Variants in WDR62 observed in about 807,000 individuals in gnomAD.
The protein encoded by WDR62 is WD repeat-containing protein 62.
In WDR62, 112 loss-of-function variants were observed where a neutral mutation model predicts 160.6. The ratio of observed to expected loss-of-function variants is 0.70; its 90% CI spans 0.60 to 0.82. The LOEUF is 0.82. Among genes scored for constraint, WDR62 ranks in the 40% least tolerant of loss-of-function variants. The pLI, the probability that WDR62 is intolerant of heterozygous loss-of-function variation, is 0.00. For synonymous variants in WDR62, 792 were observed against 815.1 expected (o/e 0.97, Z 0.48); for missense variants, 1,819 against 1,983.8 (o/e 0.92, Z 1.58).
At chr19:36,081,379 A>T in intron 9 of WDR62, 54 bp from the exon 10 acceptor site, 1 of 1,344,380 alleles carries the variant, frequency 7.4e-7, no homozygotes, top group Non-Finnish European at 1.0e-6. Context: ...ATGCAACAGT[A>T]AGTCATAGTG....
Position 36,104,096 on chromosome 19 carries a change from C to T in WDR62, c.4153+115C>T, listed in dbSNP as rs572626021. 5.5e-5 allele frequency: 73 copies of T among 1,324,572 alleles called. 1 individual carries two copies. The highest frequency in any genetic ancestry group is 5.2e-4 in the Admixed American group (28 of 53,858). The allele number at this position is 1,324,572 out of a possible 1,614,324, so 82.1% of individuals were successfully genotyped here. ...ACAGGGACTGTGCCATTCATTCATT[C>T]GTGCATTAACTTAAATATTTAATGA... On this transcript the variant is annotated intron_variant, in intron 30 of 31. Coordinates refer to ENST00000401500, the MANE Select transcript of WDR62 (RefSeq NM_001083961.2).
At chr19:36,057,521 CT>C (rs34412614) in intron 1 of WDR62, among the ~76,000 whole-genome samples, 30 of 146,902 alleles carry the variant, frequency 2.0e-4, no homozygotes, top group South Asian at 6.4e-4. Flanking sequence ...TGTTTTGTTC[CT>C]TTTTTTTTTT....
intron 22 of WDR62, 97 bp downstream of exon 22, chr19:36,099,714 A>G (rs1001152484): frequency 2.4e-6 from 3 of 1,230,726 alleles, no homozygotes; most frequent in African/African-American, 1.5e-5. Context: ...GGGGGCAGGG[A>G]GGATTACATG....
At chr19:36,063,401 A>T (rs1015611477) in intron 3 of WDR62, among the ~76,000 whole-genome samples, 1 of 151,034 alleles carries the variant, frequency 6.6e-6, no homozygotes, top group African/African-American at 2.4e-5. Flanking sequence ...GGCATGCGCC[A>T]CCGTGCCTGG....
At chr19:36,105,718 A>G (rs1973696720), downstream of WDR62, among the ~76,000 whole-genome samples, 1 of 151,624 alleles carries the variant, frequency 6.6e-6, no homozygotes, top group Non-Finnish European at 1.5e-5. Context: ...TTTGTTTTTG[A>G]GATGGAATCT....
At chr19:36,063,708 G>T (rs1970787888) in intron 3 of WDR62, among the ~76,000 whole-genome samples, 1 of 152,240 alleles carries the variant, frequency 6.6e-6, no homozygotes, top group African/African-American at 2.4e-5. Flanking sequence ...CTCTCAGGAG[G>T]TCTCCTATGA....
Position 36,067,888 on chromosome 19 carries a change from ATCT to A in WDR62, c.764_766del (p.Phe255del), listed in dbSNP as rs1064797236. ...CATCCTGGGCGAGCTGCACAACAAC[ATCT>A]TCTGTGGTGTGGCCTGCGGTCGGGG... On this transcript the variant is annotated inframe_deletion, in exon 7 of 32. Transcript: ENST00000401500. 3.1e-6 allele frequency: 5 copies of A among 1,613,994 alleles called. No homozygotes were observed. Among genetic ancestry groups the A allele is most frequent in the East Asian group, 2.2e-5 (1 of 44,886 alleles).
Position 36,103,415 on chromosome 19 carries a change from C to T in WDR62, c.3587C>T (p.Thr1196Met), listed in dbSNP as rs746924402. The change falls in exon 30 of 32, where the codon ACG becomes ATG. Residue 1196 changes from threonine (T) to methionine (M), a missense_variant. Physicochemically the swap from Thr to Met is moderately conservative, Grantham distance 81. Around this residue, in one of 3 missense-constraint regions of WDR62, gnomAD observed 770 missense variants for 734.2 expected, o/e 1.05. Transcript: ENST00000401500. Reference sequence around the variant, plus strand: ...CTGCCCACAGACAGGAATCTCCCAACGCCCACATCTGCACCCACCCCAGGC... The same window carrying T: ...CTGCCCACAGACAGGAATCTCCCAATGCCCACATCTGCACCCACCCCAGGC... ...SVLPTDRNLP[T>M]PTSAPTPGLA... The T allele has an allele frequency of 2.4e-5, 38 of 1,614,026 alleles. No individual in the cohort carries two copies. The Middle Eastern group carries it at 6.6e-4, about 28-fold the overall frequency.
At chr19:36,057,705 CAG>C (rs148420752) in intron 1 of WDR62, among the ~76,000 whole-genome samples, 5,069 of 152,244 alleles carry the variant, frequency 0.033, 128 homozygotes, top group East Asian at 0.11. Flanking sequence ...TTAGTAGAGA[CAG>C]GGTTTCGCCA....
At chr19:36,091,554 C>T (rs1972609504) in intron 18 of WDR62, 89 bp downstream of exon 18, 2 of 1,324,152 alleles carry the variant, frequency 1.5e-6, no homozygotes, top group Admixed American at 3.4e-5. Context: ...TCTAAACTGC[C>T]CAGTTTGGAT....
intron 7 of WDR62, among the ~76,000 whole-genome samples, chr19:36,069,327 C>T (rs1375776934): frequency 6.6e-6 from 1 of 151,768 alleles, no homozygotes; most frequent in African/African-American, 2.4e-5. Context: ...GACGGCCAGG[C>T]AGAGACGCTC....
chr19:36,088,638 G>C (rs1042263051), intron 13 of WDR62, among the ~76,000 whole-genome samples: 5 of 152,234 alleles, frequency 3.3e-5, no homozygotes, highest in Admixed American at 2.0e-4. Context: ...CATGGGGCCT[G>C]GCCCAAGGCT....
At chr19:36,062,294 C>G (rs1431833124) in intron 3 of WDR62, 5 of 152,064 alleles carry the variant, frequency 3.3e-5, no homozygotes, top group Non-Finnish European at 7.4e-5. Flanking sequence ...TGTCTATATA[C>G]ATATTAATTT....
intron 3 of WDR62, among the ~76,000 whole-genome samples, chr19:36,063,453 A>G (rs918136897): frequency 1.3e-5 from 2 of 150,228 alleles, no homozygotes; most frequent in East Asian, 2.0e-4. Context: ...GGGTTTCACT[A>G]TGTTGGTCAG....
At chr19:36,058,745 G>A in intron 1 of WDR62, 35 bp from the exon 2 acceptor site, 1 of 1,581,052 alleles carries the variant, frequency 6.3e-7, no homozygotes, top group South Asian at 1.1e-5. Context: ...TGCTGGCTAG[G>A]GTGGGTGCCT....
downstream of WDR62, among the ~76,000 whole-genome samples, chr19:36,108,860 A>AC (rs1003491152): frequency 9.8e-6 from 1 of 101,872 alleles, no homozygotes; most frequent in Non-Finnish European, 2.0e-5. Context: ...TCTCAAAAAA[A>AC]AAAAAAAAAA....
intron 5 of WDR62, 53 bp from the exon 6 acceptor site, chr19:36,067,253 A>G: frequency 6.2e-7 from 1 of 1,613,204 alleles, no homozygotes; most frequent in South Asian, 1.1e-5. Flanking sequence ...AAAGGCACAA[A>G]CAGTCCAGTG....
At chr19:36,071,954 C>T (rs1971324176) in intron 8 of WDR62, among the ~76,000 whole-genome samples, 1 of 152,236 alleles carries the variant, frequency 6.6e-6, no homozygotes, top group South Asian at 2.1e-4. Flanking sequence ...AATATCATTT[C>T]AGATAGCGGT....
chr19:36,102,997 C>T lies in WDR62; in HGVS notation c.3385C>T (p.Pro1129Ser). The T allele has an allele frequency of 6.2e-7, 1 of 1,614,136 alleles. No homozygotes were observed. The highest frequency in any genetic ancestry group is 8.5e-7 in the Non-Finnish European group (1 of 1,180,008). The change falls in exon 28 of 32, where the codon CCA becomes TCA. Residue 1129 changes from proline to serine, a missense_variant. Around this residue, in one of 3 missense-constraint regions of WDR62, gnomAD observed 770 missense variants for 734.2 expected, o/e 1.05. Transcript: ENST00000401500. ...GGCAACCCAGTGCCTTGTGAAGTCT[C>T]CAGAGGTCAAGCTCATGGACCGAGG... The part of the protein sequence containing the change: ...PRATQCLVKS[P>S]EVKLMDRGGS...
Sources: gnomAD v4.1 joint callset for allele counts (sites outside exome capture counted in the v4.1 genomes callset) on GRCh38, gnomAD v4.1.1 for gene constraint, gnomAD v4.1.1 regional missense constraint, MANE v1.5 for transcripts, NCBI Gene and HGNC (gene_info 2026-07-23, HGNC 2026-07-21) for gene names.